TLE6: variants seen among roughly 807,000 people sequenced by gnomAD.
TLE6 encodes the protein transducin-like enhancer protein 6.
In TLE6, 72 loss-of-function variants were observed where a neutral mutation model predicts 77.1. The ratio of observed to expected loss-of-function variants is 0.93; its 90% confidence interval spans 0.77 to 1.14. TLE6 has a LOEUF of 1.14. Among genes scored for constraint, TLE6 ranks in the 50% most tolerant of loss-of-function variants. The pLI is 0.00. For missense variants in TLE6, 843 were observed against 747.6 expected (o/e 1.13, Z -1.49); for synonymous variants, 366 against 287.3 (o/e 1.27, Z -2.77).
intron 3 of TLE6, among the ~76,000 whole-genome samples, chr19:2,981,324 G>A (rs1231471333): frequency 6.7e-6 from 1 of 149,316 alleles, no homozygotes; most frequent in East Asian, 2.0e-4. Flanking sequence ...TCCAGCCTGG[G>A]TGACAAGAGT....
At chr19:2,990,603 C>T (rs1168472265) in intron 13 of TLE6, among the ~76,000 whole-genome samples, 1 of 145,784 alleles carries the variant, frequency 6.9e-6, no homozygotes, top group Non-Finnish European at 1.5e-5. Context: ...AAGACTCTGT[C>T]TCAAAAAAGA....
intron 13 of TLE6, among the ~76,000 whole-genome samples, chr19:2,990,179 G>A (rs960737165): frequency 6.6e-6 from 1 of 151,870 alleles, no homozygotes; most frequent in African/African-American, 2.4e-5. Flanking sequence ...CGGGACAAAT[G>A]CTTAAGCCCA....
chr19:2,994,566 T>A (rs2089165633), intron 16 of TLE6, among the ~76,000 whole-genome samples: 2 of 151,736 alleles, frequency 1.3e-5, no homozygotes, highest in Admixed American at 1.3e-4. Context: ...GCCAAGATTG[T>A]GCCACTGCAC....
At chr19:2,982,245 G>T (rs2088812636) in intron 5 of TLE6, 56 bp downstream of exon 5, 1 of 1,539,850 alleles carries the variant, frequency 6.5e-7, no homozygotes. Context: ...GCATGAGAAA[G>T]CACAGAGGGG....
chr19:2,987,366 A>C lies in TLE6; in HGVS notation c.552A>C (p.Pro184=), dbSNP rs140280450. ...TTGTCATGGTGACAGAGCAGGCACC[A>C]GGCCTGGTGAGTAAACAACCTCAGC... ...KAKPRDRQQA[P]GLGQESKAPG... Residue 184 remains proline, a synonymous_variant, in exon 8 of 17, where the codon CCA becomes CCC. Transcript: ENST00000246112. 1 of 1,613,880 alleles carries C rather than the reference A, an allele frequency of 6.2e-7. No homozygotes were observed. Among genetic ancestry groups the C allele is most frequent in the Admixed American group, 1.7e-5 (1 of 60,030 alleles).
intron 8 of TLE6, 111 bp from the exon 9 acceptor site, chr19:2,987,613 A>C (rs1324334585): frequency 1.6e-5 from 21 of 1,317,532 alleles, no homozygotes; most frequent in Non-Finnish European, 1.1e-6. Flanking sequence ...CTGGACCCGC[A>C]GACAGGACCC....
chr19:2,978,194 T>C lies in TLE6; in HGVS notation c.-36-4T>C. ...CAAGACCTGCCGTCTCCTTGTTGTT[T>C]TAGACTCTGGCTAAAGTCTTGGAGG... On this transcript the variant is annotated splice_polypyrimidine_tract_variant and splice_region_variant and intron_variant, in intron 1 of 16. Coordinates refer to ENST00000246112, the MANE Select transcript of TLE6 (RefSeq NM_001143986.2). The C allele has an allele frequency of 6.5e-7, 1 of 1,548,476 alleles. No homozygotes were observed. The highest frequency in any genetic ancestry group is 8.7e-7 in the Non-Finnish European group (1 of 1,144,350).
rs1031199677 is a variant in TLE6, at chr19:2,991,823, C to T, written c.1245-20C>T. On this transcript the variant is annotated intron_variant, in intron 13 of 16. Transcript: ENST00000246112. Reference sequence around the variant, plus strand: ...CTCAGAGTCTTGACCTGATTGCCTCCCGATGTCCCTTCTGGCCAGGGACCT... The same window carrying T: ...CTCAGAGTCTTGACCTGATTGCCTCTCGATGTCCCTTCTGGCCAGGGACCT... 2 of 1,612,642 alleles carry T rather than the reference C, an allele frequency of 1.2e-6. No homozygotes were observed. Among genetic ancestry groups the T allele is most frequent in the Non-Finnish European group, 8.5e-7 (1 of 1,179,056 alleles).
chr19:2,979,715 T>C (rs902734881), intron 2 of TLE6, among the ~76,000 whole-genome samples: 1 of 144,386 alleles, frequency 6.9e-6, no homozygotes, highest in Non-Finnish European at 1.5e-5. Context: ...CCGAGGCGGG[T>C]AGATCATGAG....
rs752227580 is a variant in TLE6 at position 2,989,108 on chromosome 19, C to G, written c.788C>G (p.Ala263Gly). ...GAAGATGCATGGAAGAGGCCAGATG[C>G]CTTGCCCGGGCAGTCAAAGAGACTC... ...DFEDAWKRPD[A>G]LPGQSKRLAV... The change falls in exon 12 of 17, where the codon GCC (alanine) becomes GGC (glycine). Residue 263 changes from alanine (A) to glycine (G), a missense_variant. Transcript: ENST00000246112. The G allele has an allele frequency of 1.9e-6, 3 of 1,614,052 alleles. No homozygotes were observed. The highest frequency in any genetic ancestry group is 2.7e-5 in the African/African-American group (2 of 74,948).
intron 13 of TLE6, 61 bp from the exon 14 acceptor site, chr19:2,991,782 T>G: frequency 6.4e-7 from 1 of 1,562,256 alleles, no homozygotes; most frequent in Admixed American, 1.7e-5. Flanking sequence ...TGACTGGTGT[T>G]TCCGGGGGCC....
chr19:2,994,179 A>C, intron 16 of TLE6, 84 bp downstream of exon 16: 4 of 1,215,580 alleles, frequency 3.3e-6, no homozygotes, highest in Non-Finnish European at 4.6e-6. Flanking sequence ...TGTCTCCACA[A>C]AAAACTTAAA....
Position 2,991,988 on chromosome 19 carries a change from C to A in TLE6, c.1386+4C>A. 6.2e-7 allele frequency: 1 copy of A among 1,612,848 alleles called. No homozygotes were observed. ...GGAGTACCAATTCAAGTCTCAGGTG[C>A]GGAGGCCGGGATGGGGTCTGCTTGG... is the stretch of plus-strand genomic sequence containing the variant. On this transcript the variant is annotated splice_donor_region_variant and intron_variant, in intron 14 of 16. Transcript: ENST00000246112.
At chr19:2,989,040 C>T (rs963244235) in intron 11 of TLE6, 21 bp from the exon 12 acceptor site, 3 of 1,609,462 alleles carry the variant, frequency 1.9e-6, no homozygotes, top group Admixed American at 3.3e-5. Flanking sequence ...GGTCAGTTAC[C>T]CCAAGGCCTC....
intron 13 of TLE6, among the ~76,000 whole-genome samples, chr19:2,991,385 T>TACAC (rs1248747854): frequency 8.3e-5 from 9 of 108,548 alleles, no homozygotes; most frequent in African/African-American, 3.8e-4. Context: ...CGTATATATA[T>TACAC]ATATATATAT....
rs1324629332 is a variant in TLE6, at chr19:2,986,978, G to T, written c.286-5G>T. Reference sequence around the variant, plus strand: ...GCTCTCACTGCCTTGTTCCTGCCGGGCCAGGTCTCACCTGCTGAACCAGCC... The same window carrying T: ...GCTCTCACTGCCTTGTTCCTGCCGGTCCAGGTCTCACCTGCTGAACCAGCC... On this transcript the variant is annotated splice_region_variant and splice_polypyrimidine_tract_variant and intron_variant, in intron 6 of 16. Transcript: ENST00000246112. 3 of 1,606,456 alleles carry T rather than the reference G, an allele frequency of 1.9e-6. No homozygotes were observed. The Admixed American group carries it at 5.1e-5, about 27-fold the overall frequency.
chr19:2,979,278 C>T (rs960179739), intron 2 of TLE6, among the ~76,000 whole-genome samples: 6 of 150,542 alleles, frequency 4.0e-5, no homozygotes. Context: ...TTGAGTCTTG[C>T]TCTTGTTGCC....
rs374337193 is a variant in TLE6 at position 2,988,042 on chromosome 19, A to C, written c.703-49A>C. 701 of 1,566,062 alleles carry C rather than the reference A, an allele frequency of 4.5e-4. 1 individual carries two copies. Among genetic ancestry groups the C allele is most frequent in the Non-Finnish European group, 5.7e-4 (661 of 1,155,010 alleles). On this transcript the variant is annotated intron_variant, in intron 10 of 16. Transcript: ENST00000246112. ...CCAGGGTGGGGTAGAGGAGGTGGGC[A>C]CAGATGTGCGGGGAGGCTGGGGGCA...
intron 11 of TLE6, among the ~76,000 whole-genome samples, chr19:2,988,593 C>G (rs1413772472): frequency 6.6e-6 from 1 of 151,948 alleles, no homozygotes; most frequent in African/African-American, 2.4e-5. Flanking sequence ...AAGACTCCGT[C>G]TCAAAAAAAA....
Sources: gnomAD v4.1 joint callset for allele counts (sites outside exome capture counted in the v4.1 genomes callset) on GRCh38, gnomAD v4.1.1 for gene constraint, MANE v1.5 for transcripts, NCBI Gene and HGNC (gene_info 2026-07-23, HGNC 2026-07-21) for gene names.